Variants in IL12RB2 observed in about 807,000 individuals in gnomAD.
The protein encoded by IL12RB2 is interleukin-12 receptor subunit beta-2.
A neutral mutation model predicts 89.4 loss-of-function variants in IL12RB2; 82 were observed. That is an observed-to-expected ratio of 0.92 (90% CI 0.77 to 1.10). IL12RB2 has a LOEUF of 1.10. Ranked by LOEUF, IL12RB2 falls within the 50% of genes least tolerant of loss-of-function variation. The pLI, the probability that IL12RB2 is intolerant of heterozygous loss-of-function variation, is 0.00. For synonymous variants in IL12RB2, 368 were observed against 370.1 expected (o/e 0.99, Z 0.07); for missense variants, 963 against 1,031.9 (o/e 0.93, Z 0.92).
At chr1:67,339,159 T>C (rs1659223399) in intron 9 of IL12RB2, among the ~76,000 whole-genome samples, 1 of 152,226 alleles carries the variant, frequency 6.6e-6, no homozygotes, top group South Asian at 2.1e-4. Context: ...GAAAGAAAGC[T>C]GCTCTACTTT....
chr1:67,369,335 C>A (rs1393131943), intron 11 of IL12RB2, among the ~76,000 whole-genome samples: 1 of 152,192 alleles, frequency 6.6e-6, no homozygotes, highest in African/African-American at 2.4e-5. Context: ...TGACATTACA[C>A]ATAAAAGAGT....
At chr1:67,328,888 G>A (rs1657682708) in intron 6 of IL12RB2, among the ~76,000 whole-genome samples, 1 of 152,222 alleles carries the variant, frequency 6.6e-6, no homozygotes, top group Admixed American at 6.5e-5. Flanking sequence ...GAGTGAGCCA[G>A]TACATTTCTG....
chr1:67,343,581 C>T (rs1309103619), intron 9 of IL12RB2, among the ~76,000 whole-genome samples: 1 of 152,184 alleles, frequency 6.6e-6, no homozygotes, highest in Non-Finnish European at 1.5e-5. Context: ...TCCTCTCCCT[C>T]AAACTTCCTT....
chr1:67,394,425 A>AGAT (rs1247331982), intron 16 of IL12RB2, among the ~76,000 whole-genome samples: 4 of 152,186 alleles, frequency 2.6e-5, no homozygotes, highest in Non-Finnish European at 5.9e-5. Flanking sequence ...GAAAGGAAAG[A>AGAT]GATAGGACAT....
chr1:67,386,849 C>A (rs1270521409), intron 15 of IL12RB2, among the ~76,000 whole-genome samples, 180 bp downstream of exon 15: 1 of 139,720 alleles, frequency 7.2e-6, no homozygotes, highest in Non-Finnish European at 1.5e-5. Flanking sequence ...TTTGATCTAA[C>A]AATCTCTAAC....
At chr1:67,387,714 A>AAG (rs1164201605) in intron 15 of IL12RB2, among the ~76,000 whole-genome samples, 9 of 151,648 alleles carry the variant, frequency 5.9e-5, no homozygotes, top group Non-Finnish European at 1.2e-4. Context: ...AAAAAAAAAA[A>AAG]AAAGAAAGAA....
chr1:67,367,952 T>C lies in IL12RB2; in HGVS notation c.1386T>C (p.His462=). 6.2e-7 allele frequency: 1 copy of C among 1,610,618 alleles called. No individual in the cohort carries two copies. The highest frequency in any genetic ancestry group is 1.3e-5 in the African/African-American group (1 of 74,992). Residue 462 remains histidine, a synonymous_variant, in exon 11 of 17, where the codon CAT becomes CAC. Coordinates refer to ENST00000674203, the MANE Select transcript of IL12RB2 (RefSeq NM_001374259.2). ...QEYVVEWREL[H]PGGDTQVPLN... ...ACGTGGTGGAATGGAGAGAGCTCCA[T>C]CCAGGGGGTGACACACAGGTCCCTC...
chr1:67,379,445 G>A (rs930910290), intron 13 of IL12RB2, among the ~76,000 whole-genome samples: 2 of 143,772 alleles, frequency 1.4e-5, no homozygotes, highest in South Asian at 4.5e-4. Context: ...AGGAGGCGGA[G>A]GTTGCAGTGA....
At chr1:67,389,042 T>A (rs1178929407) in intron 15 of IL12RB2, among the ~76,000 whole-genome samples, 2 of 151,734 alleles carry the variant, frequency 1.3e-5, no homozygotes, top group East Asian at 3.9e-4. Context: ...CAGGCTAAAC[T>A]GCCTTAAAAA....
At chr1:67,321,990 T>A in intron 4 of IL12RB2, 101 bp downstream of exon 4, 1 of 995,380 alleles carries the variant, frequency 1.0e-6, no homozygotes. Flanking sequence ...AGGTTAATGT[T>A]CTTTCTTTTC....
intron 9 of IL12RB2, among the ~76,000 whole-genome samples, chr1:67,342,021 T>C (rs1386880844): frequency 6.6e-6 from 1 of 152,128 alleles, no homozygotes; most frequent in Admixed American, 6.5e-5. Flanking sequence ...CAGCCTCTAA[T>C]AGGGATTCCT....
At chr1:67,378,662 C>T (rs1387939226) in intron 13 of IL12RB2, among the ~76,000 whole-genome samples, 1 of 150,414 alleles carries the variant, frequency 6.6e-6, no homozygotes, top group African/African-American at 2.5e-5. Flanking sequence ...CCAGCCTGAC[C>T]AACATGGTGA....
At chr1:67,343,798 C>T (rs1184116015) in intron 9 of IL12RB2, among the ~76,000 whole-genome samples, 1 of 152,182 alleles carries the variant, frequency 6.6e-6, no homozygotes, top group East Asian at 1.9e-4. Flanking sequence ...CTTTAGCATC[C>T]TCTCATTATC....
At chr1:67,385,632 A>G (rs1217911852) in intron 14 of IL12RB2, among the ~76,000 whole-genome samples, 1 of 152,276 alleles carries the variant, frequency 6.6e-6, no homozygotes, top group Non-Finnish European at 1.5e-5. Context: ...TTACCTGGTT[A>G]CTACTCAGCG....
intron 3 of IL12RB2, among the ~76,000 whole-genome samples, chr1:67,321,206 T>C (rs1243798819): frequency 6.6e-6 from 1 of 152,100 alleles, no homozygotes; most frequent in Non-Finnish European, 1.5e-5. Flanking sequence ...AAATTATAAA[T>C]CATAAATGGT....
At chr1:67,322,320 T>C (rs1039182033) in intron 4 of IL12RB2, among the ~76,000 whole-genome samples, 4 of 151,690 alleles carry the variant, frequency 2.6e-5, no homozygotes, top group Admixed American at 1.3e-4. Context: ...CCTCCCAAAA[T>C]AGTTCTTCCA....
At chr1:67,356,339 G>A (rs542481327) in intron 10 of IL12RB2, among the ~76,000 whole-genome samples, 183 of 152,234 alleles carry the variant, frequency 1.2e-3, no homozygotes, top group African/African-American at 4.1e-3. Flanking sequence ...TGTTGTGATC[G>A]CTGCCCAGGA....
intron 11 of IL12RB2, among the ~76,000 whole-genome samples, chr1:67,368,406 T>C (rs1662939714): frequency 6.6e-6 from 1 of 152,180 alleles, no homozygotes; most frequent in African/African-American, 2.4e-5. Context: ...GTTCATTTAT[T>C]TAATAACTCT....
At chr1:67,311,871 A>G (rs1171429628) in intron 1 of IL12RB2, among the ~76,000 whole-genome samples, 1 of 152,214 alleles carries the variant, frequency 6.6e-6, no homozygotes, top group Non-Finnish European at 1.5e-5. Context: ...AATTATCTTA[A>G]TATGTTAATG....
Sources: gnomAD v4.1 joint callset for allele counts (sites outside exome capture counted in the v4.1 genomes callset) on GRCh38, gnomAD v4.1.1 for gene constraint, MANE v1.5 for transcripts, NCBI Gene and HGNC (gene_info 2026-07-23, HGNC 2026-07-21) for gene names.